Variants in CCNJL observed in about 807,000 individuals in gnomAD.
The protein encoded by CCNJL is cyclin J like.
Under a neutral mutation model 33.4 loss-of-function variants are expected in CCNJL, and 33 were observed. That is an observed-to-expected ratio of 0.99 (90% CI 0.75 to 1.32). The LOEUF is 1.32. CCNJL is among the 40% of genes most tolerant of loss of function. The probability of loss-of-function intolerance (pLI) is 0.00; values close to 1 mark genes in which losing one functional copy is unlikely to be tolerated. For synonymous variants in CCNJL, 227 were observed against 220.9 expected, an observed-to-expected ratio of 1.03 and a Z score of -0.24; for missense variants, 512 against 499.7, an observed-to-expected ratio of 1.02 and a Z score of -0.23.
In CCNJL at chr5:160,311,798, G is replaced by A. The variant is rs142375026; in HGVS notation, c.66+60C>T. The A allele has an allele frequency of 3.8e-3, 5,806 of 1,523,556 alleles. 16 individuals carry two copies. The highest frequency in any genetic ancestry group is 4.7e-3 in the Non-Finnish European group (5,211 of 1,097,976). 94.4% of individuals were successfully genotyped at this position (1,523,556 alleles called of 1,614,324 possible). A position where few individuals can be genotyped will look rare whatever the true frequency, so the allele number is the denominator to read the frequency against. ...CACGCAGGCGACCTGAGAACACGAA[G>A]TCGAGACCGAAGGAGACTGTACCCA... On this transcript the variant is annotated intron_variant, in intron 2 of 5. Coordinates refer to ENST00000257536, the MANE Select transcript of CCNJL (RefSeq NM_001308173.3).
intron 3 of CCNJL, among the ~76,000 whole-genome samples, chr5:160,278,180 A>G (rs1762082138): frequency 6.6e-6 from 1 of 152,130 alleles, no homozygotes; most frequent in Non-Finnish European, 1.5e-5. Flanking sequence ...TTGTATTTTT[A>G]GGAGAGACAA....
At chr5:160,307,595 A>G (rs1561806458) in intron 2 of CCNJL, among the ~76,000 whole-genome samples, 1 of 152,240 alleles carries the variant, frequency 6.6e-6, no homozygotes, top group Non-Finnish European at 1.5e-5. Flanking sequence ...CCAGAAAAAC[A>G]TCACTAGCAG....
In CCNJL at chr5:160,263,958, T is replaced by C. The variant is rs1761459819; in HGVS notation, c.281-4187A>G. Among the ~76,000 whole-genome samples, 3 of 151,080 alleles carry C rather than the reference T, an allele frequency of 2.0e-5. 1 individual carries two copies. The South Asian group carries it at 6.3e-4, about 32-fold the overall frequency. On this transcript the variant is annotated intron_variant, in intron 3 of 5. Coordinates refer to ENST00000257536, the MANE Select transcript of CCNJL (RefSeq NM_001308173.3). ...CTATCAACCTCTTTTTTTTTTTTTT[T>C]TTTGAGATAGGGTCTCACTCCTGTC...
At chr5:160,284,435 CAG>C (rs149778929) in intron 2 of CCNJL, among the ~76,000 whole-genome samples, 14,364 of 152,266 alleles carry the variant, frequency 0.094, 767 homozygotes, top group South Asian at 0.23. Flanking sequence ...AAAAACAAGA[CAG>C]ACGTTATCAC....
rs1390264850 is a variant in CCNJL, at chr5:160,251,262, GC to G, written c.*2115del. On this transcript the variant is annotated 3_prime_UTR_variant, in exon 6 of 6. Transcript: ENST00000257536. ...TCATGCCTGAGTTTCCAGCCTGTGG[GC>G]CTGCCCTACAGATTTTGAACTCTAC... 2 of 152,200 alleles carry G rather than the reference GC, an allele frequency of 1.3e-5. No homozygotes were observed. Among genetic ancestry groups the G allele is most frequent in the African/African-American group, 4.8e-5 (2 of 41,456 alleles). The allele number at this position is 152,200 out of a possible 1,614,324, so 9.4% of individuals were successfully genotyped here. A position where few individuals can be genotyped will look rare whatever the true frequency, so the allele number is the denominator to read the frequency against.
intron 3 of CCNJL, among the ~76,000 whole-genome samples, chr5:160,275,147 CAATCTTGGCT>C (rs1761967757): frequency 6.8e-6 from 1 of 147,556 alleles, no homozygotes; most frequent in East Asian, 2.0e-4. Context: ...TGCAGTGGTG[CAATCTTGGCT>C]CACTGCAACC....
At chr5:160,285,697 C>T (rs1368181567) in intron 2 of CCNJL, among the ~76,000 whole-genome samples, 1 of 152,240 alleles carries the variant, frequency 6.6e-6, no homozygotes, top group African/African-American at 2.4e-5. Context: ...ATCTGGGGAA[C>T]AGCCAGCCAG....
intron 3 of CCNJL, among the ~76,000 whole-genome samples, chr5:160,270,859 G>A (rs1761808954): frequency 6.6e-6 from 1 of 152,184 alleles, no homozygotes; most frequent in Non-Finnish European, 1.5e-5. Flanking sequence ...AACTGCCAGA[G>A]AACATTCCAG....
rs1760911730 is a variant in CCNJL at position 160,253,630 on chromosome 5, G to C, written c.912C>G (p.Asp304Glu). 6.2e-7 allele frequency: 1 copy of C among 1,612,996 alleles called. No homozygotes were observed. Among genetic ancestry groups the C allele is most frequent in the African/African-American group, 1.3e-5 (1 of 74,934 alleles). Reference protein sequence around the residue: ...TLAQFQTPVQDLCLAYRDSLQ... With the variant: ...TLAQFQTPVQELCLAYRDSLQ... ...AGGAGTCCCGATAGGCCAAGCATAG[G>C]TCCTGCACGGGGGTCTGGAACTGTG... Residue 304 changes from aspartate (D) to glutamate (E), a missense_variant, in exon 6 of 6, where the codon GAC becomes GAG. Transcript: ENST00000257536.
At chr5:160,320,791 T>C (rs1446904160) in intron 1 of CCNJL, among the ~76,000 whole-genome samples, 3 of 34,072 alleles carry the variant, frequency 8.8e-5, no homozygotes, top group African/African-American at 2.4e-4. Context: ...TTTCTTTCCT[T>C]TCTTTCTTTC....
At chr5:160,317,786 C>G (rs139691782), upstream of CCNJL, among the ~76,000 whole-genome samples, 4 of 152,152 alleles carry the variant, frequency 2.6e-5, no homozygotes, top group African/African-American at 7.2e-5. Flanking sequence ...TCCTCTCTCA[C>G]GATTCTGGGT....
chr5:160,270,539 T>C (rs941423798), intron 3 of CCNJL, among the ~76,000 whole-genome samples: 3 of 151,928 alleles, frequency 2.0e-5, no homozygotes, highest in African/African-American at 4.8e-5. Flanking sequence ...ATCATGCTAC[T>C]GTACTCCAGC....
intron 2 of CCNJL, among the ~76,000 whole-genome samples, chr5:160,286,412 C>T (rs913731393): frequency 2.6e-5 from 4 of 152,220 alleles, no homozygotes; most frequent in South Asian, 2.1e-4. Flanking sequence ...CCAAGGTGGG[C>T]GGATCGCTTG....
intron 3 of CCNJL, 107 bp from the exon 4 acceptor site, chr5:160,259,878 A>C (rs1761245761): frequency 2.2e-6 from 2 of 922,948 alleles, no homozygotes; most frequent in Admixed American, 4.6e-5. Context: ...AAGAAGACAG[A>C]AAGCAGACAG....
intron 2 of CCNJL, among the ~76,000 whole-genome samples, chr5:160,308,779 A>G (rs776619961): frequency 1.3e-5 from 2 of 152,250 alleles, no homozygotes; most frequent in Non-Finnish European, 2.9e-5. Context: ...AACCAAACAA[A>G]CAAAAAACAG....
At chr5:160,313,758 T>C (rs982177308), upstream of CCNJL, among the ~76,000 whole-genome samples, 8 of 152,262 alleles carry the variant, frequency 5.3e-5, no homozygotes, top group African/African-American at 1.4e-4. Flanking sequence ...CAAATTACTC[T>C]ATTTAATAAA....
At chr5:160,291,052 AAAAAAAAAAG>A (rs1341373465) in intron 2 of CCNJL, among the ~76,000 whole-genome samples, 1 of 149,636 alleles carries the variant, frequency 6.7e-6, no homozygotes, top group East Asian at 1.9e-4. Context: ...AAAAAAAAAA[AAAAAAAAAAG>A]AAAGAAAGAG....
chr5:160,309,133 G>T (rs184051614), intron 2 of CCNJL, among the ~76,000 whole-genome samples: 2 of 152,226 alleles, frequency 1.3e-5, no homozygotes, highest in Non-Finnish European at 2.9e-5. Flanking sequence ...GATGACATTG[G>T]AGGTCTTTAA....
At chr5:160,335,794 A>G (rs1483203941) in intron 1 of CCNJL, among the ~76,000 whole-genome samples, 1 of 150,416 alleles carries the variant, frequency 6.6e-6, no homozygotes, top group Non-Finnish European at 1.5e-5. Context: ...TTGTTGTCCA[A>G]GCCATTCTCA....
Sources: gnomAD v4.1 joint callset for allele counts (sites outside exome capture counted in the v4.1 genomes callset) on GRCh38, gnomAD v4.1.1 for gene constraint, MANE v1.5 for transcripts, NCBI Gene and HGNC (gene_info 2026-07-23, HGNC 2026-07-21) for gene names.